The following SLC7A8 variants were observed in gnomAD, a reference collection of about 807,000 sequenced individuals.
SLC7A8 encodes the protein large neutral amino acids transporter small subunit 2.
In SLC7A8, 30 loss-of-function variants were observed where a neutral mutation model predicts 51.2. That is an observed-to-expected ratio of 0.59 (90% CI 0.44 to 0.80). The LOEUF is 0.80. Among genes scored for constraint, SLC7A8 ranks in the 30% least tolerant of loss-of-function variants. The probability of loss-of-function intolerance (pLI) is 0.00; values close to 1 mark genes in which losing one functional copy is unlikely to be tolerated. For missense variants in SLC7A8, 612 were observed against 674.4 expected (o/e 0.91, Z 1.03); for synonymous variants, 257 against 275.8 (o/e 0.93, Z 0.67).
chr14:23,178,925 G>A (rs1464365974), intron 1 of SLC7A8, among the ~76,000 whole-genome samples: 1 of 145,222 alleles, frequency 6.9e-6, no homozygotes, highest in Non-Finnish European at 1.5e-5. Context: ...ATGAGGTCTT[G>A]CTCTGTTGCC....
chr14:23,176,130 T>A (rs2048997928), intron 1 of SLC7A8, among the ~76,000 whole-genome samples: 1 of 152,208 alleles, frequency 6.6e-6, no homozygotes, highest in Non-Finnish European at 1.5e-5. Flanking sequence ...CTGGTCAACA[T>A]CCAGTAGACA....
At chr14:23,157,399 C>A (rs867490229) in intron 3 of SLC7A8, among the ~76,000 whole-genome samples, 18 of 152,200 alleles carry the variant, frequency 1.2e-4, no homozygotes, top group Admixed American at 3.3e-4. Flanking sequence ...TTCCCCTCAC[C>A]AATCCATCCT....
chr14:23,174,637 G>A (rs1017070789), intron 1 of SLC7A8, among the ~76,000 whole-genome samples: 11 of 152,338 alleles, frequency 7.2e-5, no homozygotes, highest in African/African-American at 2.4e-4. Flanking sequence ...TCAGGACAAG[G>A]CCTAGAATAT....
intron 1 of SLC7A8, among the ~76,000 whole-genome samples, chr14:23,166,988 G>A (rs763019870): frequency 3.3e-5 from 5 of 152,146 alleles, no homozygotes; most frequent in Non-Finnish European, 7.3e-5. Flanking sequence ...CTGGAAAAGT[G>A]GGCTGTTTTC....
At chr14:23,159,018 C>G (rs1233645761) in intron 3 of SLC7A8, among the ~76,000 whole-genome samples, 1 of 152,210 alleles carries the variant, frequency 6.6e-6, no homozygotes, top group East Asian at 1.9e-4. Flanking sequence ...AAGCTGGGAG[C>G]CTTTCCAAGC....
intron 1 of SLC7A8, among the ~76,000 whole-genome samples, chr14:23,180,079 G>A (rs562595479): frequency 6.6e-6 from 1 of 151,876 alleles, no homozygotes; most frequent in South Asian, 2.1e-4. Context: ...CTAATTTTTT[G>A]TATTTTTTAG....
In SLC7A8 at chr14:23,127,286, C is replaced by T. The variant is rs530953668; in HGVS notation, c.1499G>A (p.Arg500Gln). ...MCVVVYPEVE[R>Q]GSGTEEANED... ...ATTAGCCTCCTCTGTCCCTGAGCCC[C>T]GCTCCACCTCGGGGTACACGACCAC... Residue 500 changes from arginine to glutamine, a missense_variant, in exon 11 of 11, where the codon CGG becomes CAG. Coordinates refer to ENST00000316902, the MANE Select transcript of SLC7A8 (RefSeq NM_012244.4). The T allele has an allele frequency of 5.3e-5, 85 of 1,614,072 alleles. No individual in the cohort carries two copies. The highest frequency in any genetic ancestry group is 3.3e-4 in the Admixed American group (20 of 60,014).
At position 23,136,861 on chromosome 14, in the gene SLC7A8, T is replaced by A. The variant is rs1466291042; in HGVS notation, c.1016+1060A>T. ...GGCGGGGCCTCCGTGTGGCCACTGC[T>A]CCTGTGTAACATGCACACGAGGTTG... On this transcript the variant is annotated intron_variant, in intron 7 of 10. Coordinates refer to ENST00000316902, the MANE Select transcript of SLC7A8 (RefSeq NM_012244.4). Among the ~76,000 whole-genome samples the A allele has an allele frequency of 7.9e-5, 12 of 152,324 alleles. No individual in the cohort carries two copies. In the East Asian group the frequency reaches 2.3e-3, roughly 29 times the overall value.
chr14:23,165,569 CA>C lies in SLC7A8; in HGVS notation c.357-134del. ...AGAGCCCAGCCTCTGCCCCCACCCA[CA>C]AATGAGACACCCAGCCCTCTGCAGT... On this transcript the variant is annotated intron_variant, in intron 2 of 10. Coordinates refer to ENST00000316902, the MANE Select transcript of SLC7A8 (RefSeq NM_012244.4). The surrounding 1 kb of genome is among the most constrained non-coding windows in gnomAD (Gnocchi z 4.2). The C allele has an allele frequency of 2.4e-6, 2 of 825,892 alleles. No homozygotes were observed. The highest frequency in any genetic ancestry group is 3.5e-5 in the Admixed American group (1 of 28,618). The allele number at this position is 825,892 out of a possible 1,614,324, so 51.2% of individuals were successfully genotyped here.
At chr14:23,130,678 CT>C (rs1367842943) in intron 8 of SLC7A8, among the ~76,000 whole-genome samples, 1 of 152,170 alleles carries the variant, frequency 6.6e-6, no homozygotes, top group Non-Finnish European at 1.5e-5. Flanking sequence ...TCAAGGTGAC[CT>C]TCATCCTGCA....
chr14:23,148,480 G>A (rs2048818258), intron 3 of SLC7A8, among the ~76,000 whole-genome samples: 2 of 152,074 alleles, frequency 1.3e-5, no homozygotes, highest in Non-Finnish European at 2.9e-5. Context: ...CACCCACCTC[G>A]GCCTCCCAAA....
chr14:23,136,357 C>T (rs1222379373), intron 7 of SLC7A8, among the ~76,000 whole-genome samples: 1 of 152,176 alleles, frequency 6.6e-6, no homozygotes, highest in African/African-American at 2.4e-5. Flanking sequence ...GCACTCACGT[C>T]CCCCCTCCAC....
At chr14:23,182,077 G>A (rs1594844732) in intron 1 of SLC7A8, among the ~76,000 whole-genome samples, 1 of 152,038 alleles carries the variant, frequency 6.6e-6, no homozygotes, top group East Asian at 1.9e-4. Flanking sequence ...GAGCTTCACC[G>A]GGTCCTCCGT....
intron 3 of SLC7A8, among the ~76,000 whole-genome samples, chr14:23,153,124 CT>C (rs1214047367): frequency 6.6e-6 from 1 of 151,954 alleles, no homozygotes; most frequent in Non-Finnish European, 1.5e-5. Flanking sequence ...TTTTATTTTT[CT>C]TTTACAGATG....
chr14:23,146,130 C>G (rs1232453749), intron 3 of SLC7A8, among the ~76,000 whole-genome samples: 8 of 152,330 alleles, frequency 5.3e-5, no homozygotes, highest in African/African-American at 1.9e-4. Context: ...GGCTGCGCCC[C>G]TTCACCCAGG....
chr14:23,140,176 C>T (rs2048729573), intron 5 of SLC7A8, among the ~76,000 whole-genome samples: 1 of 152,152 alleles, frequency 6.6e-6, no homozygotes. Context: ...AAGCAAGATT[C>T]CCAGAAGCCT....
At chr14:23,145,456 G>A (rs2048785054) in intron 3 of SLC7A8, among the ~76,000 whole-genome samples, 1 of 151,202 alleles carries the variant, frequency 6.6e-6, no homozygotes, top group Non-Finnish European at 1.5e-5. Flanking sequence ...GTACCCGGGA[G>A]GCGGAGGTTG....
rs551302719 is a variant in SLC7A8 at position 23,155,337 on chromosome 14, G to A, written c.508+9948C>T. On this transcript the variant is annotated intron_variant, in intron 3 of 10. Coordinates refer to ENST00000316902, the MANE Select transcript of SLC7A8 (RefSeq NM_012244.4). ...GCTTTTACCAAACACTTCCAGCTAA[G>A]CTCCTGCCCATACTGCCCCATCCCC... 106 of 1,534,656 alleles carry A rather than the reference G, an allele frequency of 6.9e-5. No homozygotes were observed. In the African/African-American group the frequency reaches 1.3e-3, roughly 19 times the overall value.
chr14:23,144,650 G>A (rs2048775461), intron 3 of SLC7A8, among the ~76,000 whole-genome samples: 1 of 152,094 alleles, frequency 6.6e-6, no homozygotes, highest in African/African-American at 2.4e-5. Context: ...GAGAACATTT[G>A]GTTAGGGTAG....
Sources: gnomAD v4.1 joint callset for allele counts (sites outside exome capture counted in the v4.1 genomes callset) on GRCh38, gnomAD v4.1.1 for gene constraint, Gnocchi (gnomAD v3.1) non-coding constraint, MANE v1.5 for transcripts, NCBI Gene and HGNC (gene_info 2026-07-23, HGNC 2026-07-21) for gene names.